LSAMP: variants seen among roughly 807,000 people sequenced by gnomAD.
LSAMP encodes limbic system associated membrane protein, also known as limbic system-associated membrane protein.
In LSAMP, 7 loss-of-function variants were observed where a neutral mutation model predicts 38.6. That is an observed-to-expected ratio of 0.18 (90% CI 0.10 to 0.34). The LOEUF (loss-of-function observed/expected upper bound fraction) is 0.34. Ranked by LOEUF, LSAMP falls within the 10% of genes least tolerant of loss-of-function variation. The probability of loss-of-function intolerance (pLI) is 1.00; values close to 1 mark genes in which losing one functional copy is unlikely to be tolerated. For synonymous variants in LSAMP, 154 were observed against 166.8 expected (o/e 0.92, Z 0.59); for missense variants, 313 against 420.0 (o/e 0.75, Z 2.23).
intron 6 of LSAMP, among the ~76,000 whole-genome samples, chr3:115,812,294 G>T (rs1018766627): frequency 2.0e-5 from 3 of 152,162 alleles, no homozygotes; most frequent in South Asian, 2.1e-4. Flanking sequence ...TTTCTGAATT[G>T]TTATAGGATC....
intron 1 of LSAMP, among the ~76,000 whole-genome samples, chr3:116,235,257 G>A (rs532961069): frequency 6.6e-6 from 1 of 152,148 alleles, no homozygotes; most frequent in South Asian, 2.1e-4. Flanking sequence ...TAGGACTACA[G>A]GCACATGATA....
rs373488424 is a variant in LSAMP, at chr3:115,877,780, G to C, written c.515-25163C>G. 2.6e-5 allele frequency among the ~76,000 whole-genome samples: 4 copies of C among 152,248 alleles called. No homozygotes were observed. The South Asian group carries it at 8.3e-4, about 32-fold the overall frequency. On this transcript the variant is annotated intron_variant, in intron 3 of 6. Coordinates refer to ENST00000490035, the MANE Select transcript of LSAMP (RefSeq NM_002338.5). ...ATGCTTTCTGTGTCCTTCAGCAAGGGAATAATTTGGTCTGTTGGAGCATCA... is the reference window on the plus strand; with the variant it reads ...ATGCTTTCTGTGTCCTTCAGCAAGGCAATAATTTGGTCTGTTGGAGCATCA...
chr3:116,154,501 C>A (rs986402507), intron 1 of LSAMP, among the ~76,000 whole-genome samples: 3 of 152,154 alleles, frequency 2.0e-5, no homozygotes, highest in African/African-American at 7.2e-5. Context: ...AAACATTTCA[C>A]AGCTTGCCAT....
chr3:115,854,286 T>TATTA (rs1559851939), intron 3 of LSAMP, among the ~76,000 whole-genome samples: 67 of 116,500 alleles, frequency 5.8e-4, no homozygotes, highest in Non-Finnish European at 7.7e-4. Context: ...ATTATTATTT[T>TATTA]TTTTTTTTTT....
intron 3 of LSAMP, among the ~76,000 whole-genome samples, chr3:115,856,355 C>T (rs190085490): frequency 4.6e-5 from 7 of 152,210 alleles, no homozygotes; most frequent in South Asian, 2.1e-4. Flanking sequence ...TGGTGGCTTA[C>T]GCCTGTAACC....
intron 1 of LSAMP, among the ~76,000 whole-genome samples, chr3:116,239,092 T>G (rs1379606461): frequency 3.3e-5 from 5 of 152,178 alleles, no homozygotes. Flanking sequence ...TTGTGTCATG[T>G]CACCTGTGAT....
chr3:116,039,921 A>G (rs1021920449), intron 2 of LSAMP, among the ~76,000 whole-genome samples: 1 of 152,076 alleles, frequency 6.6e-6, no homozygotes, highest in African/African-American at 2.4e-5. Context: ...CCCTCAACAT[A>G]CATCGCTAAA....
chr3:115,892,450 C>T (rs1383718816), intron 3 of LSAMP, among the ~76,000 whole-genome samples: 2 of 151,926 alleles, frequency 1.3e-5, no homozygotes, highest in Non-Finnish European at 2.9e-5. Context: ...GTGTATATCA[C>T]AAACACTAAG....
intron 1 of LSAMP, among the ~76,000 whole-genome samples, chr3:116,134,413 C>CA (rs1709201238): frequency 6.6e-6 from 1 of 152,084 alleles, no homozygotes; most frequent in South Asian, 2.1e-4. Context: ...TCACCAGCTC[C>CA]AAAAATCTTC....
intron 6 of LSAMP, among the ~76,000 whole-genome samples, chr3:115,830,945 A>T (rs939230539): frequency 6.6e-6 from 1 of 152,198 alleles, no homozygotes; most frequent in Non-Finnish European, 1.5e-5. Flanking sequence ...TTAGGGAGAA[A>T]ACATGCCAGG....
intron 1 of LSAMP, among the ~76,000 whole-genome samples, chr3:116,179,517 G>T (rs530166041): frequency 2.0e-5 from 3 of 152,202 alleles, no homozygotes; most frequent in African/African-American, 7.2e-5. Flanking sequence ...AGGTTTACTT[G>T]GCTCACAGTT....
chr3:116,340,921 A>G (rs77389984), intron 1 of LSAMP, among the ~76,000 whole-genome samples: 3,983 of 152,102 alleles, frequency 0.026, 167 homozygotes, highest in African/African-American at 0.087. Context: ...CTCTTTCAAC[A>G]TAGGAGAAGA....
intron 1 of LSAMP, among the ~76,000 whole-genome samples, chr3:116,236,765 G>T (rs560240917): frequency 6.6e-6 from 1 of 151,928 alleles, no homozygotes; most frequent in Non-Finnish European, 1.5e-5. Context: ...TTTACCTCAA[G>T]ATATTTGAAT....
chr3:116,300,643 G>T (rs1212636264), intron 1 of LSAMP, among the ~76,000 whole-genome samples: 4 of 152,130 alleles, frequency 2.6e-5, no homozygotes, highest in African/African-American at 9.7e-5. Context: ...CTTCTTATGA[G>T]AATCTAACTA....
chr3:116,257,407 C>T (rs913072100), intron 1 of LSAMP, among the ~76,000 whole-genome samples: 1 of 152,114 alleles, frequency 6.6e-6, no homozygotes, highest in South Asian at 2.1e-4. Flanking sequence ...TCTCTTGTGT[C>T]TTTTCTGCTT....
chr3:116,281,662 C>A (rs2047129016), intron 1 of LSAMP, among the ~76,000 whole-genome samples: 1 of 152,100 alleles, frequency 6.6e-6, no homozygotes. Flanking sequence ...AGCACAAATA[C>A]AAATCTAAGA....
intron 1 of LSAMP, among the ~76,000 whole-genome samples, chr3:116,354,925 A>G (rs935707646): frequency 6.6e-6 from 1 of 151,778 alleles, no homozygotes; most frequent in African/African-American, 2.4e-5. Context: ...TAGAAGACTG[A>G]GATGAACACA....
chr3:116,036,872 T>C (rs372227491), intron 2 of LSAMP, among the ~76,000 whole-genome samples: 45 of 152,274 alleles, frequency 3.0e-4, no homozygotes, highest in African/African-American at 9.9e-4. Flanking sequence ...ATAACCAAGT[T>C]TCTCTCCATT....
chr3:116,176,657 C>G (rs1368093541), intron 1 of LSAMP, among the ~76,000 whole-genome samples: 4 of 152,080 alleles, frequency 2.6e-5, no homozygotes, highest in Non-Finnish European at 5.9e-5. Flanking sequence ...TTTGTTTAAA[C>G]TAGTTGTTAT....
Sources: gnomAD v4.1 joint callset for allele counts (sites outside exome capture counted in the v4.1 genomes callset) on GRCh38, gnomAD v4.1.1 for gene constraint, MANE v1.5 for transcripts, NCBI Gene and HGNC (gene_info 2026-07-23, HGNC 2026-07-21) for gene names.